EVC: variants seen among roughly 807,000 people sequenced by gnomAD.
EVC encodes the protein evC complex member EVC.
In EVC, 116 loss-of-function variants were observed where a neutral mutation model predicts 118.9. That is an observed-to-expected ratio of 0.98 (90% CI 0.84 to 1.14). The LOEUF (loss-of-function observed/expected upper bound fraction) is 1.14, where lower values mean the gene tolerates loss of function less well. Among genes scored for constraint, EVC ranks in the 50% most tolerant of loss-of-function variants. The pLI is 0.00. For missense variants in EVC, 1,401 were observed against 1,246.4 expected (o/e 1.12, Z -1.87); for synonymous variants, 619 against 534.7 (o/e 1.16, Z -2.18).
intron 5 of EVC, among the ~76,000 whole-genome samples, chr4:5,736,964 G>A (rs368099178): frequency 6.6e-6 from 1 of 152,178 alleles, no homozygotes; most frequent in Admixed American, 6.5e-5. Context: ...AGGAAGGCAG[G>A]TCTAAAGCTG....
chr4:5,828,582 G>T, the EVC span: 1 of 1,614,072 alleles, frequency 6.2e-7, no homozygotes, highest in African/African-American at 1.3e-5. Context: ...TGATGTTTCC[G>T]TCTTCAAAGA....
chr4:5,750,488 T>C (rs987810275), intron 8 of EVC, among the ~76,000 whole-genome samples: 2 of 152,192 alleles, frequency 1.3e-5, no homozygotes, highest in African/African-American at 2.4e-5. Flanking sequence ...GAAACCATAT[T>C]GCAGAGGTTA....
chr4:5,752,388 G>C (rs3774867), intron 8 of EVC, among the ~76,000 whole-genome samples: 1 of 152,068 alleles, frequency 6.6e-6, no homozygotes, highest in Non-Finnish European at 1.5e-5. Flanking sequence ...AATCTCGGCC[G>C]TCCTCAGCAG....
rs546604168 is a variant in EVC at position 5,757,963 on chromosome 4, G to A, written c.1563+1601G>A. 4.4e-5 allele frequency: 28 copies of A among 635,942 alleles called. 1 individual carries two copies. In the Admixed American group the frequency reaches 5.9e-4, roughly 13 times the overall value. The allele number at this position is 635,942 out of a possible 1,614,324, so 39.4% of individuals were successfully genotyped here. On this transcript the variant is annotated intron_variant, in intron 11 of 20. Coordinates refer to ENST00000264956, the MANE Select transcript of EVC (RefSeq NM_153717.3). Reference sequence around the variant, plus strand: ...AACGTCATGTCCATCTGGAACCTCGGAATGTGGCCACACTTGGAAATAAGG... The same window carrying A: ...AACGTCATGTCCATCTGGAACCTCGAAATGTGGCCACACTTGGAAATAAGG...
the EVC span, chr4:5,824,999 C>A: frequency 3.0e-6 from 3 of 985,356 alleles, no homozygotes; most frequent in Non-Finnish European, 3.6e-6. Context: ...CTTCCGTTTC[C>A]TCTTTAAATA....
At chr4:5,735,840 C>T (rs889835526) in intron 5 of EVC, among the ~76,000 whole-genome samples, 16 of 152,296 alleles carry the variant, frequency 1.1e-4, no homozygotes, top group African/African-American at 3.6e-4. Context: ...TGGCACCGCC[C>T]TGAAAGAGCT....
intron 7 of EVC, among the ~76,000 whole-genome samples, chr4:5,745,566 C>T (rs963076215): frequency 6.6e-6 from 1 of 152,256 alleles, no homozygotes; most frequent in African/African-American, 2.4e-5. Context: ...ATGAATTATC[C>T]TCATTTAAAT....
chr4:5,791,421 C>T (rs1712764087), intron 12 of EVC, among the ~76,000 whole-genome samples: 1 of 151,998 alleles, frequency 6.6e-6, no homozygotes, highest in South Asian at 2.1e-4. Context: ...ATTGATGATT[C>T]AAACAATGAA....
chr4:5,804,678 A>C, intron 16 of EVC, 52 bp from the exon 17 acceptor site: 1 of 1,541,006 alleles, frequency 6.5e-7, no homozygotes, highest in South Asian at 1.1e-5. Context: ...CAGACCTGGC[A>C]CAGTGGATCC....
intron 1 of EVC, among the ~76,000 whole-genome samples, chr4:5,716,695 C>A: frequency 6.6e-6 from 1 of 152,270 alleles, no homozygotes; most frequent in East Asian, 1.9e-4. Flanking sequence ...TTGTTTTAGG[C>A]GACTATTACC....
chr4:5,809,012 G>C (rs1260597956), intron 18 of EVC, among the ~76,000 whole-genome samples: 1 of 152,178 alleles, frequency 6.6e-6, no homozygotes, highest in Admixed American at 6.5e-5. Flanking sequence ...ATAGTCATGA[G>C]CTGAGAGCTT....
Position 5,754,049 on chromosome 4 carries a change from C to G in EVC, c.1464+116C>G. ...AGGCATGAGGTTATCTGCCTACTTC[C>G]CATGTGTCAGCCGAGTGACCGAATC... On this transcript the variant is annotated intron_variant, in intron 10 of 20. Transcript: ENST00000264956. The surrounding 1 kb of genome is among the most constrained non-coding windows in gnomAD (Gnocchi z 5.8). 1 of 1,357,142 alleles carries G rather than the reference C, an allele frequency of 7.4e-7. No individual in the cohort carries two copies. Among genetic ancestry groups the G allele is most frequent in the Non-Finnish European group, 1.0e-6 (1 of 960,812 alleles). 84.1% of individuals were successfully genotyped at this position (1,357,142 alleles called of 1,614,324 possible).
intron 11 of EVC, among the ~76,000 whole-genome samples, chr4:5,778,710 G>A (rs1457860244): frequency 1.3e-5 from 2 of 152,084 alleles, no homozygotes; most frequent in Non-Finnish European, 2.9e-5. Flanking sequence ...TTGTAAATGT[G>A]TTTGAGTTCA....
chr4:5,784,196 G>A (rs1300281449), intron 12 of EVC, among the ~76,000 whole-genome samples: 1 of 152,118 alleles, frequency 6.6e-6, no homozygotes, highest in African/African-American at 2.4e-5. Flanking sequence ...TCTATGCTGT[G>A]TTCCCTTACA....
chr4:5,807,865 T>G, intron 17 of EVC, among the ~76,000 whole-genome samples: 1 of 152,242 alleles, frequency 6.6e-6, no homozygotes, highest in East Asian at 1.9e-4. Context: ...TTCACAGACG[T>G]GTGTCCTGAG....
At chr4:5,817,969 G>A (rs976454969), downstream of EVC, among the ~76,000 whole-genome samples, 2 of 152,158 alleles carry the variant, frequency 1.3e-5, no homozygotes, top group East Asian at 3.8e-4. Flanking sequence ...CAATCTGGAG[G>A]CAAAGATAGA....
rs1454086012 is a variant in EVC, at chr4:5,755,776, C to G, written c.1465-488C>G. ...CTGTTTAGGGCTGGCTGGGTCTCCC[C>G]CTGCTGATGCCCGGGTTAGCCCAGT... On this transcript the variant is annotated intron_variant, in intron 10 of 20. Coordinates refer to ENST00000264956, the MANE Select transcript of EVC (RefSeq NM_153717.3). The surrounding 1 kb of genome is among the most constrained non-coding windows in gnomAD (Gnocchi z 4.1). Among the ~76,000 whole-genome samples the G allele has an allele frequency of 6.6e-6, 1 of 152,210 alleles. No homozygotes were observed. The highest frequency in any genetic ancestry group is 2.4e-5 in the African/African-American group (1 of 41,460).
intron 11 of EVC, among the ~76,000 whole-genome samples, chr4:5,762,128 A>C: frequency 7.8e-6 from 1 of 128,590 alleles, no homozygotes; most frequent in Non-Finnish European, 1.6e-5. Flanking sequence ...TTCAATTCCC[A>C]CCTATGAGTG....
intron 2 of EVC, among the ~76,000 whole-genome samples, chr4:5,724,144 G>A (rs1304112947): frequency 1.3e-5 from 2 of 152,240 alleles, no homozygotes; most frequent in Non-Finnish European, 1.5e-5. Flanking sequence ...GCTGACAGAT[G>A]TGTGATAATT....
Sources: gnomAD v4.1 joint callset for allele counts (sites outside exome capture counted in the v4.1 genomes callset) on GRCh38, gnomAD v4.1.1 for gene constraint, Gnocchi (gnomAD v3.1) non-coding constraint, MANE v1.5 for transcripts, NCBI Gene and HGNC (gene_info 2026-07-23, HGNC 2026-07-21) for gene names.